The following TENT5D variants were observed in gnomAD, a reference collection of about 807,000 sequenced individuals.
TENT5D encodes cancer/testis antigen 112.
For synonymous variants in TENT5D, 103 were observed against 100.6 expected, an observed-to-expected ratio of 1.02 and a Z score of -0.15; for missense variants, 191 against 287.0, an observed-to-expected ratio of 0.67 and a Z score of 2.42.
chrX:80,385,438 G>C (rs369411301), intron 3 of TENT5D, among the ~76,000 whole-genome samples: 3 of 111,703 alleles, frequency 2.7e-5, no homozygotes, highest in South Asian at 3.7e-4. Context: ...GGATTAAAGA[G>C]TTAAATGTTA....
At chrX:80,343,278 C>T (rs956428146) in intron 3 of TENT5D, among the ~76,000 whole-genome samples, 1 of 111,487 alleles carries the variant, frequency 9.0e-6, no homozygotes, top group African/African-American at 3.3e-5. Flanking sequence ...GTCACTGTGG[C>T]ATCCCCTAGT....
At chrX:80,335,868 T>A (rs2147508807) in intron 2 of TENT5D, among the ~76,000 whole-genome samples, 1 of 111,557 alleles carries the variant, frequency 9.0e-6, no homozygotes, top group East Asian at 2.8e-4. Flanking sequence ...ACTTAATAGG[T>A]AAAGTTTATG....
At position 80,386,106 on chromosome X, in the gene TENT5D, A is replaced by G. The variant is rs764317200; in HGVS notation, c.-142+43542A>G. Among the ~76,000 whole-genome samples, 4 of 112,427 alleles carry G rather than the reference A, an allele frequency of 3.6e-5. No individual in the cohort carries two copies. The South Asian group carries it at 1.1e-3, about 31-fold the overall frequency. ...CCAAAGGATTATAAATCATGCTGCT[A>G]TAAAGACACATGCACACATATATTT... is the stretch of plus-strand genomic sequence containing the variant. On this transcript the variant is annotated intron_variant, in intron 3 of 4. Coordinates refer to the TENT5D transcript ENST00000538312.
chrX:80,407,826 T>G (rs1931537957), intron 3 of TENT5D, among the ~76,000 whole-genome samples: 1 of 105,858 alleles, frequency 9.4e-6, no homozygotes, highest in Admixed American at 1.0e-4. Context: ...CCACACCTAT[T>G]CCAAAATTGA....
intron 3 of TENT5D, among the ~76,000 whole-genome samples, chrX:80,385,958 C>G (rs1278430212): frequency 8.9e-6 from 1 of 112,038 alleles, no homozygotes; most frequent in Admixed American, 9.4e-5. Context: ...AATAGGAACG[C>G]TTTTACACTG....
intron 3 of TENT5D, among the ~76,000 whole-genome samples, chrX:80,359,987 A>T (rs370897430): frequency 1.8e-5 from 2 of 111,874 alleles, no homozygotes; most frequent in East Asian, 2.8e-4. Context: ...ATCTTAATCA[A>T]CTTTCCCCTA....
intron 3 of TENT5D, among the ~76,000 whole-genome samples, chrX:80,386,370 C>T (rs1410153537): frequency 9.1e-6 from 1 of 109,899 alleles, no homozygotes; most frequent in African/African-American, 3.3e-5. Context: ...AACCCTTGGA[C>T]ACAGGAAGGG....
At chrX:80,361,387 G>A (rs1413330496) in intron 3 of TENT5D, among the ~76,000 whole-genome samples, 2 of 112,316 alleles carry the variant, frequency 1.8e-5, no homozygotes, top group Non-Finnish European at 3.8e-5. Context: ...TTCAGTATTT[G>A]CTAATTCAGT....
At chrX:80,411,996 A>T (rs1931678098) in intron 3 of TENT5D, among the ~76,000 whole-genome samples, 1 of 112,239 alleles carries the variant, frequency 8.9e-6, no homozygotes, top group Non-Finnish European at 1.9e-5. Context: ...GCCCTAACAG[A>T]GGGGCCCCAC....
intron 3 of TENT5D, among the ~76,000 whole-genome samples, chrX:80,367,362 TAGAGA>T (rs1930531126): frequency 9.0e-6 from 1 of 111,295 alleles, no homozygotes; most frequent in Admixed American, 9.6e-5. Flanking sequence ...GATGATGGTG[TAGAGA>T]AAAGGGAACA....
intron 3 of TENT5D, among the ~76,000 whole-genome samples, chrX:80,414,360 A>G (rs1244454415): frequency 9.0e-6 from 1 of 110,965 alleles, no homozygotes; most frequent in Non-Finnish European, 1.9e-5. Flanking sequence ...GATCAGGGGC[A>G]CCTCCACTCA....
Position 80,426,464 on chromosome X carries a change from G to A in TENT5D, c.-142+5901G>A, listed in dbSNP as rs1931989727. On this transcript the variant is annotated intron_variant, in intron 1 of 2. Coordinates refer to ENST00000308293, the Ensembl canonical transcript of TENT5D. The stretch of plus-strand genomic sequence containing the variant: ...GGACAATTATATTTAATTTTCACTG[G>A]TTTGATCATGAAGTGAGATTTTTAC... 4.5e-5 allele frequency among the ~76,000 whole-genome samples: 5 copies of A among 111,363 alleles called. No homozygotes were observed. In the South Asian group the frequency reaches 1.9e-3, roughly 42 times the overall value.
chrX:80,364,100 T>G (rs1602504813), intron 3 of TENT5D, among the ~76,000 whole-genome samples: 1 of 112,220 alleles, frequency 8.9e-6, no homozygotes, highest in East Asian at 2.8e-4. Flanking sequence ...TTCATAACTT[T>G]TAGCAACATC....
intron 3 of TENT5D, among the ~76,000 whole-genome samples, chrX:80,344,788 G>T (rs1243337655): frequency 9.0e-6 from 1 of 111,011 alleles, no homozygotes; most frequent in African/African-American, 3.3e-5. Context: ...ATTAAGAATA[G>T]AAATGTTATA....
intron 1 of TENT5D, among the ~76,000 whole-genome samples, chrX:80,437,874 T>TAA (rs1427071846): frequency 2.7e-5 from 3 of 111,400 alleles, no homozygotes; most frequent in Non-Finnish European, 5.7e-5. Flanking sequence ...TGAAAGTTTC[T>TAA]AAAGTACAGG....
At chrX:80,443,146 G>C (rs959936581) in exon 3 of TENT5D, 1 of 1,211,063 alleles carries the variant, frequency 8.3e-7, no homozygotes. Context: ...TCCTGTTGTG[G>C]TAGCTGAAAG....
upstream of TENT5D, among the ~76,000 whole-genome samples, chrX:80,419,148 T>C (rs1026583553): frequency 6.2e-5 from 7 of 112,043 alleles, no homozygotes; most frequent in African/African-American, 2.3e-4. Flanking sequence ...TTAGTTATCA[T>C]TGCCATTTAA....
rs202074458 is a variant in TENT5D at position 80,406,930 on chromosome X, A to C, written c.-141-31680A>C. ...GCAGAAACCCTACAAGCCAGAAGAG[A>C]GTGGCGGCCAATATTCAACATTCTT... On this transcript the variant is annotated intron_variant, in intron 3 of 4. Transcript: ENST00000538312. Among the ~76,000 whole-genome samples the C allele has an allele frequency of 8.7e-5, 9 of 103,639 alleles. No individual in the cohort carries two copies. The East Asian group carries it at 1.3e-3, about 15-fold the overall frequency. 90.0% of individuals were successfully genotyped at this position (103,639 alleles called of 115,157 possible).
chrX:80,360,271 A>G (rs1013422491), intron 3 of TENT5D, among the ~76,000 whole-genome samples: 1 of 112,371 alleles, frequency 8.9e-6, no homozygotes, highest in Non-Finnish European at 1.9e-5. Context: ...ATTGAAAGCC[A>G]TGTTCTTTTT....
Sources: allele counts gnomAD v4.1 joint callset (sites outside exome capture counted in the v4.1 genomes callset), GRCh38; gene constraint gnomAD v4.1.1; transcripts MANE v1.5; gene names NCBI Gene and HGNC (gene_info 2026-07-23, HGNC 2026-07-21).